Variants in CNOT6 observed in about 807,000 individuals in gnomAD.
The protein encoded by CNOT6 is carbon catabolite repression 4 protein.
CNOT6 carries 12 observed loss-of-function variants against 61.2 expected under a neutral mutation model. The ratio of observed to expected loss-of-function variants is 0.20; its 90% CI spans 0.13 to 0.32. The LOEUF (loss-of-function observed/expected upper bound fraction) is 0.32, where lower values mean the gene tolerates loss of function less well. Among genes scored for constraint, CNOT6 ranks in the 10% least tolerant of loss-of-function variants. The probability of loss-of-function intolerance (pLI) is 1.00; values close to 1 mark genes in which losing one functional copy is unlikely to be tolerated. For missense variants in CNOT6, 405 were observed against 663.9 expected (o/e 0.61, Z 4.28); for synonymous variants, 225 against 240.6 (o/e 0.94, Z 0.60).
At chr5:180,509,583 AT>A (rs756885836) in intron 1 of CNOT6, among the ~76,000 whole-genome samples, 566 of 139,690 alleles carry the variant, frequency 4.1e-3, no homozygotes, top group Admixed American at 5.6e-3. Flanking sequence ...CACCTGGCTA[AT>A]TTTTTTTTTT....
chr5:180,543,636 C>T (rs1008028429), intron 2 of CNOT6, among the ~76,000 whole-genome samples: 4 of 152,146 alleles, frequency 2.6e-5, no homozygotes, highest in African/African-American at 7.2e-5. Context: ...GGGGCAAAGA[C>T]GACTCAGCTT....
intron 2 of CNOT6, among the ~76,000 whole-genome samples, chr5:180,543,173 C>A (rs1759131609): frequency 6.6e-6 from 1 of 152,062 alleles, no homozygotes. Flanking sequence ...ATTCTCCTGC[C>A]TCAGCCTCCC....
Position 180,564,741 on chromosome 5 carries a change from C to G in CNOT6, c.557C>G (p.Thr186Ser). 1 of 1,611,558 alleles carries G rather than the reference C, an allele frequency of 6.2e-7. No homozygotes were observed. The highest frequency in any genetic ancestry group is 8.5e-7 in the Non-Finnish European group (1 of 1,177,778). The change falls in exon 6 of 12, where the codon ACT becomes AGT. Residue 186 changes from threonine to serine, a missense_variant and splice_region_variant. Around this residue, in one of 5 missense-constraint regions of CNOT6, gnomAD observed 212 missense variants for 307.1 expected, o/e 0.69. Transcript: ENST00000261951. ...CAAGAACCAGATAGGACAAGGCCAACTGGTTGGTAGTCTTTTATTTTTTAA... is the reference window on the plus strand; with the variant it reads ...CAAGAACCAGATAGGACAAGGCCAAGTGGTTGGTAGTCTTTTATTTTTTAA... ...MLQEPDRTRP[T>S]ALFSVMCYNV...
chr5:180,506,310 G>A (rs921221672), intron 1 of CNOT6, among the ~76,000 whole-genome samples: 1 of 152,158 alleles, frequency 6.6e-6, no homozygotes, highest in African/African-American at 2.4e-5. Flanking sequence ...GCACAAACTC[G>A]AATCAGACTT....
chr5:180,568,647 G>A (rs1760590489), intron 9 of CNOT6, among the ~76,000 whole-genome samples: 1 of 152,090 alleles, frequency 6.6e-6, no homozygotes, highest in South Asian at 2.1e-4. Flanking sequence ...CAAATTGAAA[G>A]CATATTTCAA....
chr5:180,547,829 G>A (rs1759393473), intron 2 of CNOT6, among the ~76,000 whole-genome samples: 2 of 152,084 alleles, frequency 1.3e-5, no homozygotes, highest in African/African-American at 4.8e-5. Context: ...CACCTCCCGG[G>A]TTCAAGCGGT....
At chr5:180,531,852 C>G (rs1038101511) in intron 2 of CNOT6, among the ~76,000 whole-genome samples, 6 of 152,208 alleles carry the variant, frequency 3.9e-5, no homozygotes, top group Non-Finnish European at 7.3e-5. Flanking sequence ...GGCGTGGCGG[C>G]GCGTGCCTGC....
At chr5:180,558,470 G>A (rs1166378341) in intron 4 of CNOT6, among the ~76,000 whole-genome samples, 3 of 150,280 alleles carry the variant, frequency 2.0e-5, no homozygotes, top group Non-Finnish European at 4.4e-5. Flanking sequence ...GCTTTCCAGC[G>A]TAGCCCAGGA....
At chr5:180,496,852 G>T (rs1756634798) in intron 1 of CNOT6, among the ~76,000 whole-genome samples, 1 of 152,190 alleles carries the variant, frequency 6.6e-6, no homozygotes, top group Admixed American at 6.5e-5. Context: ...GGCTCCTCTT[G>T]AATGCCTGTT....
chr5:180,498,672 A>G (rs896004850), intron 1 of CNOT6, among the ~76,000 whole-genome samples: 1 of 152,238 alleles, frequency 6.6e-6, no homozygotes, highest in Non-Finnish European at 1.5e-5. Flanking sequence ...TGACAGCAGA[A>G]GAGAGAGCCA....
chr5:180,561,460 A>G (rs914284694), intron 4 of CNOT6, among the ~76,000 whole-genome samples: 19 of 144,818 alleles, frequency 1.3e-4, no homozygotes, highest in African/African-American at 3.6e-4. Flanking sequence ...TGGTTGGGTA[A>G]TTCTGTTTCT....
intron 2 of CNOT6, among the ~76,000 whole-genome samples, chr5:180,536,077 G>A (rs1758681449): frequency 7.8e-6 from 1 of 127,644 alleles, no homozygotes; most frequent in African/African-American, 3.0e-5. Flanking sequence ...CTCACTGCAA[G>A]CTCTGCCTCC....
chr5:180,569,916 G>A (rs898342606), intron 10 of CNOT6, among the ~76,000 whole-genome samples: 6 of 152,278 alleles, frequency 3.9e-5, no homozygotes, highest in African/African-American at 1.4e-4. Context: ...AGTAGCCCTT[G>A]TAATAACAAA....
At chr5:180,548,215 A>G (rs1759410238) in intron 2 of CNOT6, among the ~76,000 whole-genome samples, 1 of 152,224 alleles carries the variant, frequency 6.6e-6, no homozygotes, top group South Asian at 2.1e-4. Context: ...CACAATCAGA[A>G]CATTTTCATC....
intron 1 of CNOT6, among the ~76,000 whole-genome samples, chr5:180,511,509 G>A (rs948955658): frequency 6.6e-6 from 1 of 152,086 alleles, no homozygotes; most frequent in Non-Finnish European, 1.5e-5. Context: ...TACTCGGGAG[G>A]CTGAGACAGG....
At position 180,564,607 on chromosome 5, in the gene CNOT6, T is replaced by C; in HGVS notation, c.490+14T>C. On this transcript the variant is annotated intron_variant, in intron 5 of 11. Transcript: ENST00000261951. ...CTGCAAAAAGAAGTAAGTGGTTATT[T>C]GTTTAAACCTTTTTATTAGGAAGAC... The C allele has an allele frequency of 6.2e-7, 1 of 1,610,512 alleles. No individual in the cohort carries two copies. The highest frequency in any genetic ancestry group is 2.2e-5 in the East Asian group (1 of 44,848).
intron 4 of CNOT6, among the ~76,000 whole-genome samples, chr5:180,558,474 C>T (rs569487487): frequency 6.7e-6 from 1 of 150,306 alleles, no homozygotes; most frequent in East Asian, 1.9e-4. Context: ...TCCAGCGTAG[C>T]CCAGGAAGGC....
intron 1 of CNOT6, among the ~76,000 whole-genome samples, chr5:180,513,457 C>G (rs959949167): frequency 9.2e-5 from 14 of 152,098 alleles, no homozygotes; most frequent in South Asian, 2.1e-4. Flanking sequence ...ACCTCCGCCT[C>G]CCAGGTTCAA....
intron 6 of CNOT6, among the ~76,000 whole-genome samples, chr5:180,565,538 C>T (rs1019115712): frequency 1.1e-4 from 17 of 152,214 alleles, no homozygotes; most frequent in Non-Finnish European, 2.1e-4. Flanking sequence ...ATGTTAGGCT[C>T]AGAGACTGAA....
Sources: gnomAD v4.1 joint callset for allele counts (sites outside exome capture counted in the v4.1 genomes callset) on GRCh38, gnomAD v4.1.1 for gene constraint, gnomAD v4.1.1 regional missense constraint, MANE v1.5 for transcripts, NCBI Gene and HGNC (gene_info 2026-07-23, HGNC 2026-07-21) for gene names.